The following LMO2 variants were observed in gnomAD, a reference collection of about 807,000 sequenced individuals.
LMO2 encodes rhombotin-2.
Under a neutral mutation model 23.2 loss-of-function variants are expected in LMO2, and 20 were observed. That is an observed-to-expected ratio of 0.86 (90% CI 0.61 to 1.25). LMO2 has a LOEUF of 1.25. LMO2 is among the 50% of genes most tolerant of loss of function. The pLI, the probability that LMO2 is intolerant of heterozygous loss-of-function variation, is 0.00. For synonymous variants in LMO2, 123 were observed against 130.2 expected, an observed-to-expected ratio of 0.94 and a Z score of 0.38; for missense variants, 270 against 315.3, an observed-to-expected ratio of 0.86 and a Z score of 1.09.
At position 33,869,399 on chromosome 11, in the gene LMO2, CG is replaced by C; in HGVS notation, c.194del (p.Pro65ArgfsTer33). On this transcript the variant is annotated frameshift_variant, in exon 4 of 6. Coordinates refer to ENST00000257818, the MANE Select transcript of LMO2 (RefSeq NM_005574.4). LOFTEE classifies it high-confidence loss of function. ...TKGAPPPPGT[P>X]PPSPMSSAIE... ...TGGCCGAGGACATTGGGGAGGGAGG[CG>C]GGGTGCCGGGCGGCGGGGGCGCTCC... 1 of 1,095,762 alleles carries C rather than the reference CG, an allele frequency of 9.1e-7. No homozygotes were observed. The highest frequency in any genetic ancestry group is 1.1e-6 in the Non-Finnish European group (1 of 884,332). The allele number at this position is 1,095,762 out of a possible 1,614,324, so 67.9% of individuals were successfully genotyped here. A position where few individuals can be genotyped will look rare whatever the true frequency, so the allele number is the denominator to read the frequency against.
At chr11:33,884,668 A>C (rs1266810787) in intron 1 of LMO2, among the ~76,000 whole-genome samples, 1 of 152,206 alleles carries the variant, frequency 6.6e-6, no homozygotes, top group Non-Finnish European at 1.5e-5. Flanking sequence ...GGGACATCCA[A>C]GTCCTAGGGA....
rs1009963254 is a variant in LMO2, at chr11:33,858,794, G to C, written c.*562C>G. ...AATAATTGTTTGGTTAAAAGTTGTG[G>C]TTTCCATTCTCAACCGAAATGCGTC... On this transcript the variant is annotated 3_prime_UTR_variant, in exon 6 of 6. Transcript: ENST00000257818. The C allele has an allele frequency of 3.1e-5, 7 of 223,664 alleles. No individual in the cohort carries two copies. The highest frequency in any genetic ancestry group is 1.1e-4 in the African/African-American group (5 of 44,774). 13.9% of individuals were successfully genotyped at this position (223,664 alleles called of 1,614,324 possible). A position where few individuals can be genotyped will look rare whatever the true frequency, so the allele number is the denominator to read the frequency against.
chr11:33,872,034 C>T (rs913143522), intron 2 of LMO2, among the ~76,000 whole-genome samples: 1 of 151,818 alleles, frequency 6.6e-6, no homozygotes, highest in African/African-American at 2.4e-5. Flanking sequence ...GAGGCCGAGG[C>T]GATCCCAGCA....
chr11:33,891,346 A>ACACACACAC (rs1857541296), intron 1 of LMO2, among the ~76,000 whole-genome samples: 1 of 124,944 alleles, frequency 8.0e-6, no homozygotes, highest in African/African-American at 3.1e-5. Flanking sequence ...TTGTTAGGCA[A>ACACACACAC]ACACACACAC....
At chr11:33,881,278 G>A (rs184516873) in intron 2 of LMO2, 266 of 456,974 alleles carry the variant, frequency 5.8e-4, no homozygotes, top group African/African-American at 2.0e-3. Flanking sequence ...GTCATATCTC[G>A]CAAAGGAAGA....
At position 33,870,996 on chromosome 11, in the gene LMO2, A is replaced by G. The variant is rs1181842180; in HGVS notation, c.-271-1009T>C. 4.5e-5 allele frequency: 40 copies of G among 892,672 alleles called. 1 individual carries two copies. In the South Asian group the frequency reaches 1.7e-3, roughly 37 times the overall value. The allele number at this position is 892,672 out of a possible 1,614,324, so 55.3% of individuals were successfully genotyped here. A position where few individuals can be genotyped will look rare whatever the true frequency, so the allele number is the denominator to read the frequency against. ...TCTGCGTTCAGAAGCTGAAAGGCCT[A>G]TTTGTGCGTGATGCCAGTCATTAAG... is the stretch of plus-strand genomic sequence containing the variant. On this transcript the variant is annotated intron_variant, in intron 2 of 5. Coordinates refer to ENST00000257818, the MANE Select transcript of LMO2 (RefSeq NM_005574.4).
rs78682309 is a variant in LMO2, at chr11:33,880,723, C to G, written c.-272+1101G>C. On this transcript the variant is annotated intron_variant, in intron 2 of 5. Transcript: ENST00000257818. The surrounding 1 kb of genome is among the most constrained non-coding windows in gnomAD (Gnocchi z 4.3). ...AAACAAATCTGACAAAAGTTAAAGACCATTCCCTAGGTGTAGCTCTGTTCC... is the reference window on the plus strand; with the variant it reads ...AAACAAATCTGACAAAAGTTAAAGAGCATTCCCTAGGTGTAGCTCTGTTCC... The G allele has an allele frequency of 1.8e-5, 3 of 162,226 alleles. No individual in the cohort carries two copies. The highest frequency in any genetic ancestry group is 7.2e-5 in the African/African-American group (3 of 41,600). The allele number at this position is 162,226 out of a possible 1,614,324, so 10.0% of individuals were successfully genotyped here. A position where few individuals can be genotyped will look rare whatever the true frequency, so the allele number is the denominator to read the frequency against.
Position 33,882,488 on chromosome 11 carries a change from C to T in LMO2, c.-335-601G>A, listed in dbSNP as rs376635202. Among the ~76,000 whole-genome samples, 12 of 152,290 alleles carry T rather than the reference C, an allele frequency of 7.9e-5. No homozygotes were observed. The East Asian group carries it at 1.7e-3, about 22-fold the overall frequency. ...CTGGATGACCCTTGTTCCTTAGACT[C>T]GGGCATTCTTGCTCACAGGAATGTC... On this transcript the variant is annotated intron_variant, in intron 1 of 5. Coordinates refer to ENST00000257818, the MANE Select transcript of LMO2 (RefSeq NM_005574.4).
chr11:33,870,934 C>T (rs1014186420), intron 2 of LMO2: 1 of 423,976 alleles, frequency 2.4e-6, no homozygotes, highest in African/African-American at 2.2e-5. Context: ...TGGAGAAAAA[C>T]TTAGGCTCTC....
chr11:33,860,750 A>G (rs923651310), intron 5 of LMO2, among the ~76,000 whole-genome samples: 4 of 152,200 alleles, frequency 2.6e-5, no homozygotes, highest in Non-Finnish European at 5.9e-5. Flanking sequence ...AGCCTGGGCC[A>G]CAGAGCCATA....
intron 5 of LMO2, among the ~76,000 whole-genome samples, chr11:33,860,635 A>G (rs1242165034): frequency 6.6e-6 from 1 of 152,064 alleles, no homozygotes; most frequent in Non-Finnish European, 1.5e-5. Context: ...GCGGTGGTGC[A>G]TGCCTCTAGT....
Position 33,859,292 on chromosome 11 carries a change from CG to C in LMO2, c.*63del. The C allele has an allele frequency of 7.9e-7, 1 of 1,265,094 alleles. No homozygotes were observed. The highest frequency in any genetic ancestry group is 1.5e-5 in the African/African-American group (1 of 68,262). The allele number at this position is 1,265,094 out of a possible 1,614,324, so 78.4% of individuals were successfully genotyped here. On this transcript the variant is annotated 3_prime_UTR_variant, in exon 6 of 6. Transcript: ENST00000257818. ...CCCCCAAAGTGCCTAAGAGTGAAGA[CG>C]AAGATGCCATGGAGACGGCGTCTTC... is the stretch of plus-strand genomic sequence containing the variant.
chr11:33,859,886 GA>G (rs534699660), intron 5 of LMO2, among the ~76,000 whole-genome samples: 2 of 152,142 alleles, frequency 1.3e-5, no homozygotes, highest in Non-Finnish European at 2.9e-5. Context: ...CAGCTGATGT[GA>G]TCTATCATAA....
At chr11:33,887,898 T>G (rs969172376) in intron 1 of LMO2, among the ~76,000 whole-genome samples, 1 of 152,032 alleles carries the variant, frequency 6.6e-6, no homozygotes, top group African/African-American at 2.4e-5. Context: ...AATGAGCCAC[T>G]AGTCCATGGA....
intron 5 of LMO2, among the ~76,000 whole-genome samples, chr11:33,860,939 A>G (rs1379638269): frequency 6.6e-6 from 1 of 152,240 alleles, no homozygotes; most frequent in African/African-American, 2.4e-5. Context: ...GCAAAAGTGC[A>G]GTAACACAAG....
In LMO2 at chr11:33,859,046, T is replaced by G. The variant is rs1018700877; in HGVS notation, c.*310A>C. 47 of 380,890 alleles carry G rather than the reference T, an allele frequency of 1.2e-4. No homozygotes were observed. Among genetic ancestry groups the G allele is most frequent in the African/African-American group, 8.9e-4 (45 of 50,430 alleles). 23.6% of individuals were successfully genotyped at this position (380,890 alleles called of 1,614,324 possible). On this transcript the variant is annotated 3_prime_UTR_variant, in exon 6 of 6. Transcript: ENST00000257818. Reference sequence around the variant, plus strand: ...AACTCTCTATCTGTAGATATGAAATTCCATCATGATAGCACAGCGCCTGCT... The same window carrying G: ...AACTCTCTATCTGTAGATATGAAATGCCATCATGATAGCACAGCGCCTGCT...
At chr11:33,866,666 A>G (rs149034435) in intron 4 of LMO2, among the ~76,000 whole-genome samples, 353 of 152,274 alleles carry the variant, frequency 2.3e-3, no homozygotes, top group African/African-American at 7.8e-3. Context: ...TTGTTTTGAG[A>G]CACAGTTTCA....
chr11:33,859,104 T>G lies in LMO2; in HGVS notation c.*252A>C. On this transcript the variant is annotated 3_prime_UTR_variant, in exon 6 of 6. Transcript: ENST00000257818. ...AAATGTTCCTTTCTTCTGCTAATCATGTCAGTTACTATGGATGGGCTGTGG... is the reference window on the plus strand; with the variant it reads ...AAATGTTCCTTTCTTCTGCTAATCAGGTCAGTTACTATGGATGGGCTGTGG... 1 of 479,142 alleles carries G rather than the reference T, an allele frequency of 2.1e-6. No individual in the cohort carries two copies. Among genetic ancestry groups the G allele is most frequent in the Non-Finnish European group, 3.8e-6 (1 of 262,426 alleles). 29.7% of individuals were successfully genotyped at this position (479,142 alleles called of 1,614,324 possible). A position where few individuals can be genotyped will look rare whatever the true frequency, so the allele number is the denominator to read the frequency against.
At chr11:33,871,567 CAAAAA>C (rs58212820) in intron 2 of LMO2, among the ~76,000 whole-genome samples, 2 of 52,938 alleles carry the variant, frequency 3.8e-5, no homozygotes, top group African/African-American at 1.7e-4. Context: ...GACCCTGTCT[CAAAAA>C]AAAAAAAAAA....
Sources: allele counts gnomAD v4.1 joint callset (sites outside exome capture counted in the v4.1 genomes callset), GRCh38; gene constraint gnomAD v4.1.1; non-coding constraint Gnocchi (gnomAD v3.1); transcripts MANE v1.5; gene names NCBI Gene and HGNC (gene_info 2026-07-23, HGNC 2026-07-21).